CELF2: variants seen among roughly 807,000 people sequenced by gnomAD.
CELF2 encodes CUGBP Elav-like family member 2, also known as CUG triplet repeat RNA-binding protein 2.
A neutral mutation model predicts 62.6 loss-of-function variants in CELF2; 8 were observed. The ratio of observed to expected loss-of-function variants is 0.13; its 90% CI spans 0.07 to 0.23. The LOEUF is 0.23. Among genes scored for constraint, CELF2 ranks in the 10% least tolerant of loss-of-function variants. The pLI is 1.00. For synonymous variants in CELF2, 258 were observed against 250.0 expected (o/e 1.03, Z -0.30); for missense variants, 333 against 671.0 (o/e 0.50, Z 5.56).
At chr10:11,129,986 T>G (rs2059367610) in intron 1 of CELF2, among the ~76,000 whole-genome samples, 1 of 152,268 alleles carries the variant, frequency 6.6e-6, no homozygotes, top group Admixed American at 6.5e-5. Context: ...TTTAGATCTT[T>G]CCTGCTTTCT....
rs2096079191 is a variant in CELF2, at chr10:11,334,249, T to C, written c.*5196T>C. ...GTTTTTTCTGATTCTTCTGTCCTCA[T>C]TGTGAACATAACCGTGTAGTTGAAA... On this transcript the variant is annotated 3_prime_UTR_variant, in exon 13 of 13. Coordinates refer to ENST00000633077, the MANE Select transcript of CELF2 (RefSeq NM_001326342.2). 1 of 152,688 alleles carries C rather than the reference T, an allele frequency of 6.5e-6. No individual in the cohort carries two copies. Among genetic ancestry groups the C allele is most frequent in the Non-Finnish European group, 1.5e-5 (1 of 68,052 alleles). The allele number at this position is 152,688 out of a possible 1,614,324, so 9.5% of individuals were successfully genotyped here. A position where few individuals can be genotyped will look rare whatever the true frequency, so the allele number is the denominator to read the frequency against.
chr10:11,197,796 A>G (rs1298935206), intron 2 of CELF2, among the ~76,000 whole-genome samples: 1 of 152,214 alleles, frequency 6.6e-6, no homozygotes, highest in South Asian at 2.1e-4. Flanking sequence ...GTGTGCTAGT[A>G]TATATTTACT....
chr10:11,062,446 T>G (rs2067012390), intron 1 of CELF2, among the ~76,000 whole-genome samples: 1 of 152,246 alleles, frequency 6.6e-6, no homozygotes, highest in Admixed American at 6.5e-5. Flanking sequence ...AGAACATTCA[T>G]GATTCGTGGG....
intron 2 of CELF2, among the ~76,000 whole-genome samples, chr10:10,984,473 C>T (rs924378776): frequency 3.3e-5 from 5 of 152,132 alleles, no homozygotes; most frequent in South Asian, 2.1e-4. Flanking sequence ...ATAAGCCTGG[C>T]GCCGTTTGAT....
chr10:10,701,335 T>A, the CELF2 span, among the ~76,000 whole-genome samples: 4 of 152,314 alleles, frequency 2.6e-5, no homozygotes, highest in Admixed American at 1.3e-4. Flanking sequence ...CGGCTCCAAA[T>A]GTCAATTACT....
At chr10:10,908,515 C>A (rs897145047) in intron 1 of CELF2, among the ~76,000 whole-genome samples, 2 of 151,570 alleles carry the variant, frequency 1.3e-5, no homozygotes, top group Non-Finnish European at 2.9e-5. Flanking sequence ...CCACCGCGCC[C>A]GACCTGAAGG....
chr10:11,184,880 G>T (rs2074412543), intron 2 of CELF2, among the ~76,000 whole-genome samples: 1 of 152,028 alleles, frequency 6.6e-6, no homozygotes, highest in Non-Finnish European at 1.5e-5. Flanking sequence ...GTCTTTTCTT[G>T]CCTGCTTGCA....
chr10:11,106,186 C>CTTTTA (rs71378778), intron 1 of CELF2, among the ~76,000 whole-genome samples: 2 of 149,718 alleles, frequency 1.3e-5, no homozygotes, highest in Admixed American at 1.3e-4. Context: ...CATCTTGGCA[C>CTTTTA]TTTTATTTTA....
At chr10:10,729,106 G>A in the CELF2 span, among the ~76,000 whole-genome samples, 4 of 152,156 alleles carry the variant, frequency 2.6e-5, no homozygotes, top group Non-Finnish European at 5.9e-5. Flanking sequence ...TTAGCTAAAG[G>A]TTTTGAGGTT....
At chr10:11,087,616 A>C (rs867208709) in intron 1 of CELF2, among the ~76,000 whole-genome samples, 1 of 152,236 alleles carries the variant, frequency 6.6e-6, no homozygotes, top group Non-Finnish European at 1.5e-5. Flanking sequence ...AATGAGACAC[A>C]TCACATTTAT....
intron 1 of CELF2, among the ~76,000 whole-genome samples, chr10:11,054,489 TTG>T (rs35465939): frequency 0.016 from 2,443 of 149,484 alleles, 38 homozygotes; most frequent in East Asian, 0.064. Context: ...GTATGTGTGT[TTG>T]TGTGTGTGTG....
chr10:10,769,831 T>G, the CELF2 span, among the ~76,000 whole-genome samples: 1 of 152,124 alleles, frequency 6.6e-6, no homozygotes, highest in East Asian at 1.9e-4. Context: ...ACTTTAAAAT[T>G]TTAAGCAGAA....
the CELF2 span, among the ~76,000 whole-genome samples, chr10:10,669,421 G>A: frequency 6.6e-6 from 1 of 152,222 alleles, no homozygotes; most frequent in Non-Finnish European, 1.5e-5. Flanking sequence ...AGAGAGACCA[G>A]GTGACATTAC....
intron 9 of CELF2, among the ~76,000 whole-genome samples, chr10:11,298,116 C>T (rs2093372506): frequency 6.6e-6 from 1 of 152,192 alleles, no homozygotes. Context: ...CAAAGGGAAA[C>T]AGGAATAGGC....
the CELF2 span, among the ~76,000 whole-genome samples, chr10:10,674,374 T>C: frequency 2.0e-5 from 3 of 152,292 alleles, no homozygotes; most frequent in Admixed American, 2.0e-4. Flanking sequence ...TGGTATATTG[T>C]TCTTTATCCG....
rs556193891 is a variant in CELF2 at position 11,242,099 on chromosome 10, C to T, written c.355-7054C>T. 7.8e-4 allele frequency among the ~76,000 whole-genome samples: 118 copies of T among 152,208 alleles called. No individual in the cohort carries two copies. The highest frequency in any genetic ancestry group is 1.2e-3 in the Non-Finnish European group (80 of 68,010). On this transcript the variant is annotated intron_variant, in intron 3 of 12. Transcript: ENST00000633077. The surrounding 1 kb of genome is among the most constrained non-coding windows in gnomAD (Gnocchi z 4.8). ...TCGTGAATTCACTTCTTTCCATCCC[C>T]TCTCTCTACTTTTAAATATTTTATG...
Position 11,295,950 on chromosome 10 carries a change from C to T in CELF2, c.976+7398C>T, listed in dbSNP as rs112610362. Among the ~76,000 whole-genome samples the T allele has an allele frequency of 5.6e-3, 848 of 152,254 alleles. 7 individuals carry two copies. The highest frequency in any genetic ancestry group is 0.019 in the African/African-American group (803 of 41,538). ...ACTCCAGGCAGTTGGTGCAATGCCC[C>T]AACCTGGAGCAGGCTGGAGTCTCTT... On this transcript the variant is annotated intron_variant, in intron 9 of 12. Coordinates refer to ENST00000633077, the MANE Select transcript of CELF2 (RefSeq NM_001326342.2).
chr10:11,041,310 G>A (rs2061810051), intron 1 of CELF2, among the ~76,000 whole-genome samples: 1 of 151,182 alleles, frequency 6.6e-6, no homozygotes, highest in Non-Finnish European at 1.5e-5. Flanking sequence ...ATGATAAACA[G>A]TGGTGGTATC....
chr10:10,849,432 G>A (rs370548008), intron 1 of CELF2, among the ~76,000 whole-genome samples: 1 of 151,584 alleles, frequency 6.6e-6, no homozygotes, highest in East Asian at 1.9e-4. Context: ...AAAGAAAACT[G>A]TAAGAACAAT....
Sources: gnomAD v4.1 joint callset for allele counts (sites outside exome capture counted in the v4.1 genomes callset) on GRCh38, gnomAD v4.1.1 for gene constraint, Gnocchi (gnomAD v3.1) non-coding constraint, MANE v1.5 for transcripts, NCBI Gene and HGNC (gene_info 2026-07-23, HGNC 2026-07-21) for gene names.